NELL2: variants seen among roughly 807,000 people sequenced by gnomAD.
NELL2 encodes the protein neural EGFL like 2, also known as protein kinase C-binding protein NELL2.
NELL2 carries 41 observed loss-of-function variants against 109.6 expected under a neutral mutation model. The observed-to-expected ratio is 0.37, with a 90% confidence interval of 0.29 to 0.49. NELL2 has a LOEUF of 0.49. Among genes scored for constraint, NELL2 ranks in the 20% least tolerant of loss-of-function variants. The pLI is 0.98. For missense variants in NELL2, 900 were observed against 1,008.3 expected (o/e 0.89, Z 1.45); for synonymous variants, 355 against 344.7 (o/e 1.03, Z -0.33).
intron 13 of NELL2, among the ~76,000 whole-genome samples, chr12:44,625,999 T>C (rs1946248315): frequency 2.0e-5 from 3 of 151,986 alleles, no homozygotes; most frequent in Non-Finnish European, 4.4e-5. Context: ...CAGAAGAAGC[T>C]CAATTTTAAT....
intron 13 of NELL2, among the ~76,000 whole-genome samples, chr12:44,615,164 G>A (rs1028346757): frequency 1.7e-4 from 26 of 152,040 alleles, no homozygotes; most frequent in Non-Finnish European, 3.1e-4. Flanking sequence ...GAGATCAAGG[G>A]AGGATCTGGT....
intron 3 of NELL2, among the ~76,000 whole-genome samples, chr12:44,814,030 G>A (rs186050243): frequency 6.6e-6 from 1 of 152,222 alleles, no homozygotes; most frequent in East Asian, 1.9e-4. Context: ...AGTCTGTGCT[G>A]GTCAGAGTGT....
In NELL2 at chr12:44,607,375, G is replaced by T; in HGVS notation, c.1568-111C>A. ...GAGATGTAAACATCAAATTATAAAA[G>T]CTATTTTAATTTTGTTTTCATGTAA... is the stretch of plus-strand genomic sequence containing the variant. On this transcript the variant is annotated intron_variant, in intron 14 of 19. Transcript: ENST00000429094. The T allele has an allele frequency of 5.5e-6, 4 of 730,202 alleles. No individual in the cohort carries two copies. The Admixed American group carries it at 1.1e-4, about 20-fold the overall frequency. The allele number at this position is 730,202 out of a possible 1,614,324, so 45.2% of individuals were successfully genotyped here. A position where few individuals can be genotyped will look rare whatever the true frequency, so the allele number is the denominator to read the frequency against.
chr12:44,859,007 C>T (rs1158494971), intron 2 of NELL2, among the ~76,000 whole-genome samples: 4 of 152,266 alleles, frequency 2.6e-5, no homozygotes, highest in East Asian at 3.9e-4. Context: ...TTAGAATTCG[C>T]TTGTGGTTAA....
chr12:44,852,276 T>A (rs1944556517), intron 2 of NELL2, among the ~76,000 whole-genome samples: 1 of 152,222 alleles, frequency 6.6e-6, no homozygotes, highest in Non-Finnish European at 1.5e-5. Context: ...CGTTAACAAA[T>A]TAGATTTTCC....
chr12:44,638,763 A>G lies in NELL2; in HGVS notation c.1444+26721T>C, dbSNP rs372465818. On this transcript the variant is annotated intron_variant, in intron 13 of 19. Transcript: ENST00000429094. ...CTCTATCTCACTTGCTTTGTTCAAC[A>G]GCATCTTTGTCTTGCAGACACTATG... 1.5e-4 allele frequency among the ~76,000 whole-genome samples: 23 copies of G among 152,324 alleles called. No homozygotes were observed. The East Asian group carries it at 4.2e-3, about 28-fold the overall frequency.
At chr12:44,516,618 G>A (rs1416856548) in intron 19 of NELL2, among the ~76,000 whole-genome samples, 4 of 152,084 alleles carry the variant, frequency 2.6e-5, no homozygotes, top group African/African-American at 9.7e-5. Flanking sequence ...TTAGTGAGTT[G>A]TTTATTTATC....
chr12:44,797,500 G>C (rs2136644326), intron 3 of NELL2, among the ~76,000 whole-genome samples: 1 of 152,030 alleles, frequency 6.6e-6, no homozygotes, highest in South Asian at 2.1e-4. Context: ...TGAATAATAG[G>C]AAATAAAAGC....
intron 19 of NELL2, among the ~76,000 whole-genome samples, chr12:44,514,306 C>T (rs1941148568): frequency 1.3e-5 from 2 of 151,830 alleles, no homozygotes; most frequent in South Asian, 2.1e-4. Context: ...CAGATGGAGA[C>T]TCCAATATGT....
chr12:44,566,279 T>C (rs941404916), intron 15 of NELL2, among the ~76,000 whole-genome samples: 3 of 152,130 alleles, frequency 2.0e-5, no homozygotes, highest in Non-Finnish European at 2.9e-5. Context: ...TAGATGCCTA[T>C]TGTAGAGATT....
intron 15 of NELL2, among the ~76,000 whole-genome samples, chr12:44,583,945 G>T (rs1944411179): frequency 6.6e-6 from 1 of 152,032 alleles, no homozygotes; most frequent in African/African-American, 2.4e-5. Context: ...GCTAATTTTT[G>T]TATTTTTCAT....
At chr12:44,737,355 T>A (rs1430853680) in intron 9 of NELL2, among the ~76,000 whole-genome samples, 1 of 151,574 alleles carries the variant, frequency 6.6e-6, no homozygotes, top group Admixed American at 6.6e-5. Context: ...TCACAATCAA[T>A]AACTTTTTTA....
intron 9 of NELL2, among the ~76,000 whole-genome samples, chr12:44,749,712 A>G (rs1940558566): frequency 6.6e-6 from 1 of 152,160 alleles, no homozygotes. Context: ...AGAGGGGTCT[A>G]CTGAGGGCGT....
chr12:44,515,532 GGTACTCTCTGGAGT>G, intron 19 of NELL2, among the ~76,000 whole-genome samples: 1 of 151,896 alleles, frequency 6.6e-6, no homozygotes, highest in East Asian at 1.9e-4. Context: ...GGGATCCAAA[GGTACTCTCTGGAGT>G]GTTGGATATA....
intron 13 of NELL2, among the ~76,000 whole-genome samples, chr12:44,640,681 T>A (rs1272705817): frequency 6.6e-6 from 1 of 152,158 alleles, no homozygotes; most frequent in Non-Finnish European, 1.5e-5. Context: ...GTTTTTTTTT[T>A]TAAATAGAGT....
chr12:44,795,502 T>A (rs1247036807), intron 3 of NELL2, among the ~76,000 whole-genome samples: 1 of 152,206 alleles, frequency 6.6e-6, no homozygotes, highest in East Asian at 1.9e-4. Context: ...AAGCACTCAG[T>A]AAATGGTAAC....
At chr12:44,750,454 C>A (rs886641115) in intron 9 of NELL2, among the ~76,000 whole-genome samples, 2 of 152,002 alleles carry the variant, frequency 1.3e-5, no homozygotes, top group Admixed American at 6.6e-5. Context: ...TTTCATGCAG[C>A]CATATTATGT....
chr12:44,898,197 C>T (rs1009419819), intron 1 of NELL2, among the ~76,000 whole-genome samples: 5 of 152,158 alleles, frequency 3.3e-5, no homozygotes, highest in Admixed American at 6.5e-5. Flanking sequence ...CAGACTTAAA[C>T]GTTCCTGCCT....
chr12:44,768,949 T>C (rs1180306840), intron 9 of NELL2, among the ~76,000 whole-genome samples: 1 of 152,110 alleles, frequency 6.6e-6, no homozygotes, highest in Non-Finnish European at 1.5e-5. Context: ...GTTTCAAAAT[T>C]ATTTTCTTTT....
Sources: gnomAD v4.1 joint callset for allele counts (sites outside exome capture counted in the v4.1 genomes callset) on GRCh38, gnomAD v4.1.1 for gene constraint, MANE v1.5 for transcripts, NCBI Gene and HGNC (gene_info 2026-07-23, HGNC 2026-07-21) for gene names.